NFILZ: variants seen among roughly 807,000 people sequenced by gnomAD.
NFILZ encodes NFIL3 like protein.
At chr19:8,635,860 A>T (rs1349255044) in intron 3 of NFILZ, 114 bp downstream of exon 3, 1 of 151,960 alleles carries the variant, frequency 6.6e-6, no homozygotes, top group South Asian at 2.1e-4. Context: ...TTTATTAGAC[A>T]GGGTCTTGCT....
At chr19:8,675,199 C>T (rs1464342447) in intron 4 of NFILZ, among the ~76,000 whole-genome samples, 1 of 152,176 alleles carries the variant, frequency 6.6e-6, no homozygotes, top group Non-Finnish European at 1.5e-5. Flanking sequence ...CAAAGATGAT[C>T]GGTTTTCAGC....
At chr19:8,633,082 G>A (rs2042877891) in intron 2 of NFILZ, among the ~76,000 whole-genome samples, 1 of 147,546 alleles carries the variant, frequency 6.8e-6, no homozygotes, top group African/African-American at 2.5e-5. Context: ...GTGCAGTGGT[G>A]TAATCTTGGC....
chr19:8,639,297 C>A (rs1020933346), intron 3 of NFILZ, among the ~76,000 whole-genome samples: 1 of 152,046 alleles, frequency 6.6e-6, no homozygotes, highest in South Asian at 2.1e-4. Flanking sequence ...GCATGGCAGG[C>A]CAGGCATGGC....
At chr19:8,676,117 G>A (rs1462010963) in intron 4 of NFILZ, among the ~76,000 whole-genome samples, 4 of 152,102 alleles carry the variant, frequency 2.6e-5, no homozygotes, top group East Asian at 1.9e-4. Flanking sequence ...ATGGATAAAT[G>A]GATAGATGGT....
At chr19:8,672,724 CA>C (rs1181427297) in intron 3 of NFILZ, among the ~76,000 whole-genome samples, 2 of 151,942 alleles carry the variant, frequency 1.3e-5, no homozygotes, top group African/African-American at 4.8e-5. Flanking sequence ...AATATTTATG[CA>C]TTAAATAGTT....
At chr19:8,669,900 G>C (rs1278434825) in intron 3 of NFILZ, among the ~76,000 whole-genome samples, 3 of 152,210 alleles carry the variant, frequency 2.0e-5, no homozygotes, top group Non-Finnish European at 4.4e-5. Context: ...CCCTGGAGGA[G>C]AGCAGGCTGT....
At chr19:8,642,525 C>G (rs1220599665) in intron 3 of NFILZ, among the ~76,000 whole-genome samples, 5 of 152,108 alleles carry the variant, frequency 3.3e-5, no homozygotes, top group Admixed American at 1.3e-4. Flanking sequence ...TGCTTGGGCC[C>G]ATGCATGTGG....
At chr19:8,651,405 A>G (rs910847209) in intron 3 of NFILZ, among the ~76,000 whole-genome samples, 1 of 151,990 alleles carries the variant, frequency 6.6e-6, no homozygotes, top group Non-Finnish European at 1.5e-5. Flanking sequence ...CAAGTGATCC[A>G]CTCGCTTCAG....
intron 3 of NFILZ, among the ~76,000 whole-genome samples, chr19:8,645,070 G>A (rs1465449426): frequency 4.2e-5 from 5 of 118,846 alleles, no homozygotes; most frequent in Admixed American, 1.1e-4. Flanking sequence ...ATAAGCCACC[G>A]CACCTGTCCA....
intron 3 of NFILZ, among the ~76,000 whole-genome samples, chr19:8,656,289 C>CCTCATCCCTGAAGCCCACCTTCTCTCTGA (rs1212956882): frequency 3.0e-5 from 1 of 32,958 alleles, no homozygotes; most frequent in African/African-American, 8.6e-5. Flanking sequence ...CTTCTCCCCA[C>CCTCATCCCTGAAGCCCACCTTCTCTCTGA]AGCCCACCTC....
intron 3 of NFILZ, among the ~76,000 whole-genome samples, chr19:8,665,878 TG>T (rs762045305): frequency 1.2e-4 from 18 of 152,212 alleles, no homozygotes; most frequent in Non-Finnish European, 2.1e-4. Context: ...TGCTACCTTT[TG>T]CCTGAGTGTT....
intron 3 of NFILZ, among the ~76,000 whole-genome samples, chr19:8,649,898 T>G (rs1443917879): frequency 1.1e-4 from 17 of 151,900 alleles, no homozygotes; most frequent in Admixed American, 1.1e-3. Flanking sequence ...GCAGATCACC[T>G]GAGGTCAGGA....
chr19:8,636,659 G>A (rs1383185090), intron 3 of NFILZ, among the ~76,000 whole-genome samples: 1 of 151,606 alleles, frequency 6.6e-6, no homozygotes, highest in Non-Finnish European at 1.5e-5. Context: ...GTTTCACCAT[G>A]TTGGTGAGGC....
At chr19:8,662,751 C>A (rs1378244444) in intron 3 of NFILZ, among the ~76,000 whole-genome samples, 2 of 151,646 alleles carry the variant, frequency 1.3e-5, no homozygotes, top group Non-Finnish European at 2.9e-5. Flanking sequence ...GTTATCCTGC[C>A]TCAGCCTCCT....
At chr19:8,662,172 T>G (rs1377687161) in intron 3 of NFILZ, among the ~76,000 whole-genome samples, 1 of 145,186 alleles carries the variant, frequency 6.9e-6, no homozygotes, top group Non-Finnish European at 1.5e-5. Flanking sequence ...ACCACAACAC[T>G]CAGGCCTGGG....
chr19:8,675,412 A>G (rs183729270), intron 4 of NFILZ, among the ~76,000 whole-genome samples: 280 of 152,308 alleles, frequency 1.8e-3, no homozygotes, highest in African/African-American at 6.4e-3. Context: ...CAAGGGAGGT[A>G]GTCTTCCATC....
intron 3 of NFILZ, among the ~76,000 whole-genome samples, chr19:8,665,263 G>T (rs1462932554): frequency 1.3e-5 from 2 of 152,034 alleles, no homozygotes; most frequent in Admixed American, 6.6e-5. Flanking sequence ...AATATGATTT[G>T]GCTTAGGGAA....
chr19:8,658,656 G>C (rs1416196950), intron 3 of NFILZ, among the ~76,000 whole-genome samples: 1 of 99,720 alleles, frequency 1.0e-5, no homozygotes, highest in African/African-American at 3.7e-5. Context: ...GGGGTGATGA[G>C]AGGATTCTAT....
At position 8,672,471 on chromosome 19, in the gene NFILZ, T is replaced by C. The variant is rs1369540335; in HGVS notation, c.-163-2080T>C. Reference sequence around the variant, plus strand: ...AGTTCATTCAAAAAATCCATGCATTTATTAGTTCATTCAAAAAAAATCCAT... The same window carrying C: ...AGTTCATTCAAAAAATCCATGCATTCATTAGTTCATTCAAAAAAAATCCAT... On this transcript the variant is annotated intron_variant, in intron 3 of 5. Coordinates refer to ENST00000691075, the MANE Select transcript of NFILZ (RefSeq NM_001378600.1). Among the ~76,000 whole-genome samples the C allele has an allele frequency of 2.6e-5, 4 of 152,344 alleles. No homozygotes were observed. In the East Asian group the frequency reaches 5.8e-4, roughly 22 times the overall value.
Sources: gnomAD v4.1 joint callset for allele counts (sites outside exome capture counted in the v4.1 genomes callset) on GRCh38, gnomAD v4.1.1 for gene constraint, MANE v1.5 for transcripts, NCBI Gene and HGNC (gene_info 2026-07-23, HGNC 2026-07-21) for gene names.